Variants in SORCS3 observed in about 807,000 individuals in gnomAD.
SORCS3 encodes the protein sortilin related VPS10 domain containing receptor 3.
In SORCS3, 57 loss-of-function variants were observed where a neutral mutation model predicts 146.3. That is an observed-to-expected ratio of 0.39 (90% confidence interval 0.31 to 0.49). The LOEUF is 0.49. Ranked by LOEUF, SORCS3 falls within the 20% of genes least tolerant of loss-of-function variation. The pLI is 0.92. For synonymous variants in SORCS3, 653 were observed against 618.5 expected (o/e 1.06, Z -0.83); for missense variants, 1,341 against 1,575.5 (o/e 0.85, Z 2.52).
intron 2 of SORCS3, among the ~76,000 whole-genome samples, chr10:104,902,353 G>A (rs2018860404): frequency 6.6e-6 from 1 of 152,230 alleles, no homozygotes; most frequent in South Asian, 2.1e-4. Flanking sequence ...CTCTGGAAAA[G>A]TGCTGAATTC....
At chr10:104,723,149 A>C (rs1426803823) in intron 1 of SORCS3, among the ~76,000 whole-genome samples, 8 of 152,188 alleles carry the variant, frequency 5.3e-5, no homozygotes, top group Admixed American at 5.2e-4. Context: ...CACTGCTTTG[A>C]ATGTGTCCCA....
At chr10:104,930,348 G>T (rs1185869840) in intron 3 of SORCS3, among the ~76,000 whole-genome samples, 2 of 152,108 alleles carry the variant, frequency 1.3e-5, no homozygotes, top group African/African-American at 2.4e-5. Flanking sequence ...AAAAATAAAA[G>T]AAAAATTAAT....
At chr10:104,992,256 A>G (rs2054998873) in intron 4 of SORCS3, among the ~76,000 whole-genome samples, 1 of 152,172 alleles carries the variant, frequency 6.6e-6, no homozygotes, top group Non-Finnish European at 1.5e-5. Context: ...CCTGGACAAG[A>G]TTAGGAAATC....
chr10:105,127,240 T>A (rs753298012), intron 7 of SORCS3, among the ~76,000 whole-genome samples: 1 of 152,098 alleles, frequency 6.6e-6, no homozygotes, highest in Non-Finnish European at 1.5e-5. Context: ...TTATAGCCCC[T>A]GATTTTCGAA....
In SORCS3 at chr10:104,641,621, C is replaced by T; in HGVS notation, c.294C>T (p.Gly98=). 1 of 1,520,856 alleles carries T rather than the reference C, an allele frequency of 6.6e-7. No individual in the cohort carries two copies. The highest frequency in any genetic ancestry group is 8.8e-7 in the Non-Finnish European group (1 of 1,140,612). The allele number at this position is 1,520,856 out of a possible 1,614,324, so 94.2% of individuals were successfully genotyped here. A position where few individuals can be genotyped will look rare whatever the true frequency, so the allele number is the denominator to read the frequency against. ...ELLPQQGGGR[G]GEMQVEAGGT... is the part of the protein sequence containing the mutation. ...TGCCCCAGCAGGGCGGCGGCAGAGG[C>T]GGTGAGATGCAGGTGGAAGCCGGAG... is the stretch of plus-strand genomic sequence containing the variant. Residue 98 remains glycine, a synonymous_variant, in exon 1 of 27, where the codon GGC becomes GGT. Transcript: ENST00000369701. This position sits in a 1 kb window ranked among gnomAD's most constrained non-coding sequence, Gnocchi z 6.4.
chr10:104,745,293 A>G (rs1285376660), intron 1 of SORCS3, among the ~76,000 whole-genome samples: 2 of 152,194 alleles, frequency 1.3e-5, no homozygotes, highest in Non-Finnish European at 2.9e-5. Flanking sequence ...TCTACATCAA[A>G]AAGCCTATCA....
chr10:104,817,003 G>A (rs570578481), intron 1 of SORCS3, among the ~76,000 whole-genome samples: 73 of 152,294 alleles, frequency 4.8e-4, no homozygotes, highest in Non-Finnish European at 9.0e-4. Context: ...ATCCACCTTC[G>A]TGGACCCAGC....
intron 4 of SORCS3, among the ~76,000 whole-genome samples, chr10:105,000,452 G>A (rs974888998): frequency 2.6e-5 from 4 of 151,974 alleles, no homozygotes; most frequent in African/African-American, 9.7e-5. Flanking sequence ...ATTCCCCACC[G>A]GTGGTGGTGG....
rs1283505583 is a variant in SORCS3, at chr10:104,641,803, C to T, written c.476C>T (p.Pro159Leu). ...GCCGATGGTTCCAGAGGAAGCCGTCCCCTTGCTAAGGGTTCCCGGGAGGAG... is the reference window on the plus strand; with the variant it reads ...GCCGATGGTTCCAGAGGAAGCCGTCTCCTTGCTAAGGGTTCCCGGGAGGAG... ...APADGSRGSR[P>L]LAKGSREEVK... The change falls in exon 1 of 27, where the codon CCC becomes CTC. Residue 159 changes from proline (P) to leucine (L), a missense_variant. Physicochemically the swap from Pro to Leu is moderately conservative, Grantham distance 98. Coordinates refer to ENST00000369701, the MANE Select transcript of SORCS3 (RefSeq NM_014978.3). The surrounding 1 kb of genome is among the most constrained non-coding windows in gnomAD (Gnocchi z 6.4). 6.4e-7 allele frequency: 1 copy of T among 1,551,686 alleles called. No individual in the cohort carries two copies. The highest frequency in any genetic ancestry group is 1.9e-5 in the Admixed American group (1 of 51,350).
intron 7 of SORCS3, among the ~76,000 whole-genome samples, chr10:105,131,295 C>T (rs1051172016): frequency 1.3e-5 from 2 of 152,152 alleles, no homozygotes; most frequent in Non-Finnish European, 2.9e-5. Context: ...GGAAACACTG[C>T]AGAGGCAGTG....
At chr10:105,256,756 C>A in intron 24 of SORCS3, 63 bp from the exon 25 acceptor site, 1 of 1,278,900 alleles carries the variant, frequency 7.8e-7, no homozygotes. Context: ...TGAATACTCC[C>A]TCCAGCTAAC....
chr10:105,119,644 A>G (rs1302610419), intron 7 of SORCS3, among the ~76,000 whole-genome samples: 1 of 152,192 alleles, frequency 6.6e-6, no homozygotes, highest in Non-Finnish European at 1.5e-5. Context: ...CATGATCTGC[A>G]TGTGAGACAT....
chr10:105,015,955 C>G (rs2055162915), intron 4 of SORCS3, among the ~76,000 whole-genome samples: 1 of 151,114 alleles, frequency 6.6e-6, no homozygotes, highest in Non-Finnish European at 1.5e-5. Context: ...GCCTCAAACT[C>G]CTGACTTCGT....
intron 5 of SORCS3, among the ~76,000 whole-genome samples, chr10:105,055,112 G>T (rs917779385): frequency 1.3e-5 from 2 of 152,010 alleles, no homozygotes; most frequent in African/African-American, 2.4e-5. Flanking sequence ...GAGTTCCTTA[G>T]TAAAGTTTTC....
intron 1 of SORCS3, among the ~76,000 whole-genome samples, chr10:104,693,979 C>T (rs571829576): frequency 1.3e-5 from 2 of 151,912 alleles, no homozygotes; most frequent in African/African-American, 4.8e-5. Flanking sequence ...GAAACCAAAC[C>T]TCTCTTCAGC....
chr10:104,756,910 C>T (rs2017059444), intron 1 of SORCS3, among the ~76,000 whole-genome samples: 1 of 152,172 alleles, frequency 6.6e-6, no homozygotes, highest in African/African-American at 2.4e-5. Context: ...ACTTGATCTT[C>T]TGTCCGTTCC....
intron 1 of SORCS3, among the ~76,000 whole-genome samples, chr10:104,796,425 T>A (rs1197894789): frequency 6.7e-6 from 1 of 149,950 alleles, no homozygotes; most frequent in African/African-American, 2.5e-5. Context: ...CATTCCTAAG[T>A]TGATAATCTC....
At chr10:105,242,339 TATATATTTATAC>T (rs1564793253) in intron 20 of SORCS3, among the ~76,000 whole-genome samples, 2 of 129,238 alleles carry the variant, frequency 1.5e-5, no homozygotes, top group African/African-American at 5.9e-5. Context: ...TATATTTATA[TATATATTTATAC>T]ATATATTTAT....
At chr10:105,189,687 A>G (rs147891408) in intron 14 of SORCS3, among the ~76,000 whole-genome samples, 36 of 152,324 alleles carry the variant, frequency 2.4e-4, no homozygotes, top group African/African-American at 8.7e-4. Flanking sequence ...CTTGGAAGAA[A>G]GAGCTGGCTG....
Sources: gnomAD v4.1 joint callset for allele counts (sites outside exome capture counted in the v4.1 genomes callset) on GRCh38, gnomAD v4.1.1 for gene constraint, Gnocchi (gnomAD v3.1) non-coding constraint, MANE v1.5 for transcripts, NCBI Gene and HGNC (gene_info 2026-07-23, HGNC 2026-07-21) for gene names.